ZNF483: variants seen among roughly 807,000 people sequenced by gnomAD.
ZNF483 encodes the protein zinc finger protein HIT-10.
ZNF483 carries 9 observed loss-of-function variants against 28.6 expected under a neutral mutation model. That is an observed-to-expected ratio of 0.32 (90% CI 0.19 to 0.55). ZNF483 has a LOEUF of 0.55. Ranked by LOEUF, ZNF483 falls within the 20% of genes least tolerant of loss-of-function variation. The pLI is 0.93. For missense variants in ZNF483, 675 were observed against 871.7 expected (o/e 0.77, Z 2.84); for synonymous variants, 322 against 306.2 (o/e 1.05, Z -0.54).
chr9:111,565,453 G>A (rs1056784543), intron 5 of ZNF483, among the ~76,000 whole-genome samples: 4 of 152,176 alleles, frequency 2.6e-5, no homozygotes, highest in Admixed American at 2.6e-4. Flanking sequence ...GGAAATTAGG[G>A]TATAGGATGC....
Position 111,541,650 on chromosome 9 carries a change from C to T in ZNF483, c.722-7C>T. On this transcript the variant is annotated splice_polypyrimidine_tract_variant and splice_region_variant and intron_variant, in intron 5 of 5. Coordinates refer to ENST00000309235, the MANE Select transcript of ZNF483 (RefSeq NM_133464.5). ...ACAGGAAATATTCTATTTCTTATAT[C>T]TTTTAGATGAATCAGCTTTAGATAA... The T allele has an allele frequency of 6.3e-7, 1 of 1,584,264 alleles. No homozygotes were observed. Among genetic ancestry groups the T allele is most frequent in the Non-Finnish European group, 8.6e-7 (1 of 1,169,468 alleles).
chr9:111,569,579 C>T (rs2132344677), intron 5 of ZNF483, among the ~76,000 whole-genome samples: 1 of 152,300 alleles, frequency 6.6e-6, no homozygotes, highest in East Asian at 1.9e-4. Context: ...GCCTGGCCAA[C>T]ATGACGAAAA....
chr9:111,574,554 G>A (rs764233139), intron 5 of ZNF483, among the ~76,000 whole-genome samples: 1 of 150,384 alleles, frequency 6.6e-6, no homozygotes, highest in African/African-American at 2.5e-5. Context: ...TTGCCATGTT[G>A]CCCAGGATGG....
rs577021755 is a variant in ZNF483, at chr9:111,570,079, G to A, written c.722-6286G>A. On this transcript the variant is annotated intron_variant, in intron 5 of 5. Coordinates refer to the ZNF483 transcript ENST00000358151. ...GTGTACAATTGGAAGGGGTGGCTCC[G>A]GAGCTCCTTACCTCTAAGACCCATT... The A allele has an allele frequency of 9.4e-5, 152 of 1,613,852 alleles. 1 individual carries two copies. Among genetic ancestry groups the A allele is most frequent in the South Asian group, 6.3e-4 (57 of 91,032 alleles).
exon 6 of ZNF483, chr9:111,576,580 C>T (rs907333134): frequency 1.5e-6 from 1 of 687,588 alleles, no homozygotes; most frequent in African/African-American, 1.8e-5. Flanking sequence ...AGTTACTTAA[C>T]ACTTCTGAAC....
exon 6 of ZNF483, chr9:111,576,793 G>C (rs1829075994): frequency 1.2e-5 from 2 of 160,260 alleles, no homozygotes; most frequent in Admixed American, 6.3e-5. Flanking sequence ...GTATCGGTAA[G>C]ATGTAAAGAA....
intron 2 of ZNF483, among the ~76,000 whole-genome samples, chr9:111,530,550 C>T (rs1030657976): frequency 1.7e-4 from 25 of 151,096 alleles, no homozygotes; most frequent in South Asian, 8.4e-4. Flanking sequence ...GAGGCCTTAA[C>T]CTTTGGGAAC....
chr9:111,536,176 C>CCACT (rs1277855280), intron 5 of ZNF483, among the ~76,000 whole-genome samples: 3 of 151,276 alleles, frequency 2.0e-5, no homozygotes, highest in Non-Finnish European at 4.4e-5. Context: ...CAGGCATGAG[C>CCACT]CACTGTGCCC....
chr9:111,562,294 G>A (rs894740617), intron 5 of ZNF483, among the ~76,000 whole-genome samples: 27 of 82,936 alleles, frequency 3.3e-4, no homozygotes, highest in Non-Finnish European at 6.4e-4. Flanking sequence ...TTTTTTTTTT[G>A]AGATAGAGTC....
chr9:111,531,279 A>G (rs1037638015), intron 3 of ZNF483, among the ~76,000 whole-genome samples: 2 of 152,230 alleles, frequency 1.3e-5, no homozygotes, highest in Non-Finnish European at 2.9e-5. Context: ...CAGTTCACAG[A>G]ATGCCATGAG....
intron 5 of ZNF483, among the ~76,000 whole-genome samples, chr9:111,569,209 G>C (rs1383141369): frequency 1.3e-5 from 2 of 152,134 alleles, no homozygotes; most frequent in African/African-American, 2.4e-5. Flanking sequence ...ACTGAGCCCA[G>C]ACGAGCTAAC....
intron 3 of ZNF483, among the ~76,000 whole-genome samples, chr9:111,531,884 G>A (rs142681277): frequency 6.6e-6 from 1 of 152,090 alleles, no homozygotes; most frequent in South Asian, 2.1e-4. Context: ...GGGTCTTGCT[G>A]TGTTGCCCAG....
intron 5 of ZNF483, among the ~76,000 whole-genome samples, chr9:111,571,742 G>A (rs773253544): frequency 5.9e-5 from 9 of 152,094 alleles, no homozygotes; most frequent in Non-Finnish European, 1.0e-4. Flanking sequence ...TGGGCCAAGC[G>A]ATCCTCCTGC....
chr9:111,534,140 T>A, intron 4 of ZNF483, 121 bp from the exon 5 acceptor site: 1 of 886,224 alleles, frequency 1.1e-6, no homozygotes, highest in Non-Finnish European at 1.8e-6. Flanking sequence ...CCAGTATTTA[T>A]GTCTGTGTAT....
At chr9:111,529,602 C>T (rs1827269245) in intron 2 of ZNF483, among the ~76,000 whole-genome samples, 1 of 152,210 alleles carries the variant, frequency 6.6e-6, no homozygotes, top group Non-Finnish European at 1.5e-5. Flanking sequence ...ACAGTTTTAC[C>T]TTACTACATC....
chr9:111,541,760 C>T lies in ZNF483; in HGVS notation c.825C>T (p.His275=), dbSNP rs377139226. ...QQYCGSSEED[H]GNQGNSKGRV... The stretch of plus-strand genomic sequence containing the variant: ...ATTGTGGCAGCTCAGAGGAGGATCA[C>T]GGTAATCAGGGAAATTCAAAAGGAA... The change falls in exon 6 of 6, where the codon CAC becomes CAT. Residue 275 remains histidine, a synonymous_variant. Coordinates refer to ENST00000309235, the MANE Select transcript of ZNF483 (RefSeq NM_133464.5). 1.9e-5 allele frequency: 31 copies of T among 1,613,898 alleles called. No individual in the cohort carries two copies. In the East Asian group the frequency reaches 3.3e-4, roughly 17 times the overall value.
chr9:111,534,469 G>C (rs1021822678), intron 5 of ZNF483, 116 bp downstream of exon 5: 2 of 847,934 alleles, frequency 2.4e-6, no homozygotes, highest in Non-Finnish European at 3.7e-6. Context: ...GATTAGAATA[G>C]AGCCCTTGCC....
At chr9:111,529,653 T>G (rs1827270461) in intron 2 of ZNF483, among the ~76,000 whole-genome samples, 1 of 152,224 alleles carries the variant, frequency 6.6e-6, no homozygotes, top group Non-Finnish European at 1.5e-5. Flanking sequence ...TTGTTCAAAT[T>G]AAATATTTTT....
rs1249971542 is a variant in ZNF483, at chr9:111,534,284, T to C, written c.652T>C (p.Leu218=). 2 of 1,614,084 alleles carry C rather than the reference T, an allele frequency of 1.2e-6. No homozygotes were observed. Among genetic ancestry groups the C allele is most frequent in the East Asian group, 4.5e-5 (2 of 44,878 alleles). ...FLDFPVSKLE[L]ISQLKWVELP... Reference sequence around the variant, plus strand: ...AGACTTTCCAGTTTCAAAATTAGAGTTGATTTCCCAGCTAAAGTGGGTTGA... The same window carrying C: ...AGACTTTCCAGTTTCAAAATTAGAGCTGATTTCCCAGCTAAAGTGGGTTGA... The change falls in exon 5 of 6, where the codon TTG becomes CTG. Residue 218 remains leucine, a synonymous_variant. Coordinates refer to ENST00000309235, the MANE Select transcript of ZNF483 (RefSeq NM_133464.5).
Sources: allele counts gnomAD v4.1 joint callset (sites outside exome capture counted in the v4.1 genomes callset), GRCh38; gene constraint gnomAD v4.1.1; transcripts MANE v1.5; gene names NCBI Gene and HGNC (gene_info 2026-07-23, HGNC 2026-07-21).